STK39: variants seen among roughly 807,000 people sequenced by gnomAD.
The protein encoded by STK39 is serine/threonine kinase 39.
STK39 carries 20 observed loss-of-function variants against 77.8 expected under a neutral mutation model. That is an observed-to-expected ratio of 0.26 (90% confidence interval 0.18 to 0.37). The LOEUF (loss-of-function observed/expected upper bound fraction) is 0.37. STK39 is among the 10% of genes least tolerant of loss of function. The probability of loss-of-function intolerance (pLI) is 1.00; values close to 1 mark genes in which losing one functional copy is unlikely to be tolerated. For synonymous variants in STK39, 246 were observed against 234.1 expected, an observed-to-expected ratio of 1.05 and a Z score of -0.47; for missense variants, 479 against 656.5, an observed-to-expected ratio of 0.73 and a Z score of 2.95.
At chr2:167,971,547 T>C (rs1453792161) in intron 16 of STK39, among the ~76,000 whole-genome samples, 1 of 152,184 alleles carries the variant, frequency 6.6e-6, no homozygotes, top group Non-Finnish European at 1.5e-5. Context: ...CCTTAATTTC[T>C]GAAAAACTGA....
chr2:168,047,609 G>T (rs775467834), intron 14 of STK39, among the ~76,000 whole-genome samples: 6 of 152,164 alleles, frequency 3.9e-5, no homozygotes, highest in Non-Finnish European at 5.9e-5. Flanking sequence ...GGGCATGCTG[G>T]TAAATTCTCC....
In STK39 at chr2:168,199,035, T is replaced by C. The variant is rs545047675; in HGVS notation, c.209-16945A>G. On this transcript the variant is annotated intron_variant, in intron 1 of 17. Transcript: ENST00000355999. ...CCTGATGTCTCCAGATTCTTTGCTA[T>C]GGCATCATATTTTGGGCAATGCTAA... Among the ~76,000 whole-genome samples, 5 of 152,332 alleles carry C rather than the reference T, an allele frequency of 3.3e-5. No homozygotes were observed. In the East Asian group the frequency reaches 9.6e-4, roughly 29 times the overall value.
intron 1 of STK39, among the ~76,000 whole-genome samples, chr2:168,195,575 A>T (rs552802022): frequency 5.3e-4 from 81 of 152,286 alleles, no homozygotes; most frequent in African/African-American, 1.9e-3. Context: ...AAAAGCCCAA[A>T]ATTCAGATTC....
At chr2:168,213,475 A>AT (rs79716340) in intron 1 of STK39, among the ~76,000 whole-genome samples, 2,123 of 152,182 alleles carry the variant, frequency 0.014, 27 homozygotes, top group South Asian at 0.045. Flanking sequence ...ATTAAAAAAA[A>AT]ATATATAGAG....
chr2:168,105,574 C>A (rs780108296), intron 10 of STK39, among the ~76,000 whole-genome samples: 1 of 152,044 alleles, frequency 6.6e-6, no homozygotes, highest in African/African-American at 2.4e-5. Flanking sequence ...CAAGCTCAGG[C>A]GGACAAGGTG....
chr2:168,242,560 A>AAAAAAAAAAAATATATATATATATAT (rs1296747890), intron 1 of STK39, among the ~76,000 whole-genome samples: 1 of 44,868 alleles, frequency 2.2e-5, no homozygotes, highest in African/African-American at 1.1e-4. Context: ...AAAAAAAAAA[A>AAAAAAAAAAAATATATATATATATAT]ATATATATAT....
intron 1 of STK39, among the ~76,000 whole-genome samples, chr2:168,220,990 T>C (rs1690154484): frequency 6.6e-6 from 1 of 152,090 alleles, no homozygotes; most frequent in Non-Finnish European, 1.5e-5. Flanking sequence ...GTGATTCCTC[T>C]TGTTTCCTGG....
intron 1 of STK39, among the ~76,000 whole-genome samples, chr2:168,207,145 C>T (rs1253340588): frequency 2.6e-5 from 4 of 152,190 alleles, no homozygotes; most frequent in Non-Finnish European, 5.9e-5. Context: ...TGACCAAGAT[C>T]ACACTAAGGT....
chr2:168,213,801 C>T (rs1322053334), intron 1 of STK39, among the ~76,000 whole-genome samples: 1 of 151,612 alleles, frequency 6.6e-6, no homozygotes, highest in Non-Finnish European at 1.5e-5. Flanking sequence ...ATTTTCCTTG[C>T]TTGCTCATAT....
At chr2:168,147,499 AT>A (rs1331490457) in intron 5 of STK39, among the ~76,000 whole-genome samples, 4 of 152,074 alleles carry the variant, frequency 2.6e-5, no homozygotes, top group Admixed American at 1.3e-4. Flanking sequence ...TAAAGAGAGC[AT>A]TTTTTTTAAC....
intron 16 of STK39, among the ~76,000 whole-genome samples, chr2:167,971,270 G>C (rs535338998): frequency 6.6e-6 from 1 of 152,294 alleles, no homozygotes; most frequent in South Asian, 2.1e-4. Flanking sequence ...ACACAAACTG[G>C]ACTGGGTCTA....
chr2:168,144,642 T>C (rs16854796), intron 5 of STK39, among the ~76,000 whole-genome samples: 27 of 58,630 alleles, frequency 4.6e-4, no homozygotes, highest in East Asian at 3.4e-3. Flanking sequence ...ATAAGACTCA[T>C]TTTTTTTTTT....
At chr2:168,071,511 A>C (rs1297417312) in intron 12 of STK39, among the ~76,000 whole-genome samples, 1 of 152,164 alleles carries the variant, frequency 6.6e-6, no homozygotes, top group Non-Finnish European at 1.5e-5. Context: ...TTCACTCTCA[A>C]AGATGTTTAC....
chr2:168,093,266 A>G (rs1574459337), intron 10 of STK39, among the ~76,000 whole-genome samples: 1 of 152,210 alleles, frequency 6.6e-6, no homozygotes, highest in Non-Finnish European at 1.5e-5. Context: ...TCATACTGCT[A>G]TGAAGAAATA....
At chr2:168,163,186 A>C (rs1368492787) in intron 4 of STK39, among the ~76,000 whole-genome samples, 1 of 152,162 alleles carries the variant, frequency 6.6e-6, no homozygotes, top group African/African-American at 2.4e-5. Context: ...AAGCACTCAT[A>C]TTCTATGTGA....
intron 1 of STK39, among the ~76,000 whole-genome samples, chr2:168,239,864 G>C (rs991984983): frequency 1.3e-5 from 2 of 152,246 alleles, no homozygotes; most frequent in Non-Finnish European, 2.9e-5. Context: ...GGGCAAGGGG[G>C]GAGGGGGGCT....
chr2:168,017,460 A>ACCTCCGTCT (rs11282758), intron 14 of STK39, among the ~76,000 whole-genome samples: 20,600 of 143,176 alleles, frequency 0.14, 3,203 homozygotes, highest in African/African-American at 0.39. Context: ...TCTCACTGCA[A>ACCTCCGTCT]CCCAGGTTCA....
At position 168,086,899 on chromosome 2, in the gene STK39, A is replaced by T. The variant is rs140272460; in HGVS notation, c.1090-11668T>A. 3.0e-4 allele frequency among the ~76,000 whole-genome samples: 46 copies of T among 152,284 alleles called. No homozygotes were observed. In the East Asian group the frequency reaches 8.7e-3, roughly 29 times the overall value. On this transcript the variant is annotated intron_variant, in intron 10 of 17. Coordinates refer to ENST00000355999, the MANE Select transcript of STK39 (RefSeq NM_013233.3). ...TCTTATTCTGCATCAGTCCTATCAAACCTCCAATATGGCATTTCCCCAAGT... is the reference window on the plus strand; with the variant it reads ...TCTTATTCTGCATCAGTCCTATCAATCCTCCAATATGGCATTTCCCCAAGT...
intron 15 of STK39, among the ~76,000 whole-genome samples, chr2:168,012,939 G>A (rs7598796): frequency 0.1 from 15,392 of 152,142 alleles, 2,614 homozygotes; most frequent in African/African-American, 0.35. Context: ...TATTTTTGGC[G>A]AACTAAAAAA....
Sources: gnomAD v4.1 joint callset for allele counts (sites outside exome capture counted in the v4.1 genomes callset) on GRCh38, gnomAD v4.1.1 for gene constraint, MANE v1.5 for transcripts, NCBI Gene and HGNC (gene_info 2026-07-23, HGNC 2026-07-21) for gene names.